The following MUC22 variants were observed in gnomAD, a reference collection of about 807,000 sequenced individuals.
The protein encoded by MUC22 is mucin 22, also known as mucin-22.
In MUC22, 24 loss-of-function variants were observed where a neutral mutation model predicts 40.3. The observed-to-expected ratio is 0.60, with a 90% CI of 0.43 to 0.84. MUC22 has a LOEUF of 0.84. Among genes scored for constraint, MUC22 ranks in the 40% least tolerant of loss-of-function variants. The pLI, the probability that MUC22 is intolerant of heterozygous loss-of-function variation, is 0.00. For synonymous variants in MUC22, 765 were observed against 844.5 expected (o/e 0.91, Z 1.63); for missense variants, 1,926 against 2,130.7 (o/e 0.90, Z 1.89).
At chr6:31,025,662 A>G in exon 2 of MUC22, 2 of 1,532,332 alleles carry the variant, frequency 1.3e-6, no homozygotes, top group Non-Finnish European at 8.7e-7. Context: ...AGACAACCTC[A>G]GCCTCCACCA....
At chr6:31,028,658 C>A (rs1479963076) in exon 2 of MUC22, 1 of 1,534,952 alleles carries the variant, frequency 6.5e-7, no homozygotes, top group African/African-American at 1.4e-5. Context: ...GAGACCACCA[C>A]AGTCTCCACT....
At chr6:31,031,429 C>CA (rs1766059270) in intron 2 of MUC22, among the ~76,000 whole-genome samples, 1 of 152,210 alleles carries the variant, frequency 6.6e-6, no homozygotes, top group African/African-American at 2.4e-5. Flanking sequence ...TCCCTCCTTA[C>CA]ACCCAGTGAT....
At chr6:31,027,016 T>C in exon 2 of MUC22, 2 of 1,492,800 alleles carry the variant, frequency 1.3e-6, no homozygotes, top group Non-Finnish European at 1.8e-6. Context: ...TACCACAGCC[T>C]CTACTACAGG....
intron 1 of MUC22, among the ~76,000 whole-genome samples, chr6:31,016,972 G>T (rs1284003442): frequency 6.6e-6 from 1 of 152,234 alleles, no homozygotes; most frequent in Non-Finnish European, 1.5e-5. Context: ...GGTGCGCCAG[G>T]TTCCCCAGCA....
exon 2 of MUC22, chr6:31,026,014 A>G (rs1765270901): frequency 6.5e-7 from 1 of 1,530,118 alleles, no homozygotes; most frequent in Non-Finnish European, 8.8e-7. Context: ...AGGCTCTGAG[A>G]CCACCACCAC....
rs774578635 is a variant in MUC22 at position 31,011,047 on chromosome 6, G to A, written c.70+271G>A. ...TGGTGGGGCGGTGGGGCGGTGCTGG[G>A]GAAATGGAGGGGGGTGAGATTTTAC... On this transcript the variant is annotated intron_variant, in intron 1 of 3. Transcript: ENST00000561890. This position sits in a 1 kb window ranked among gnomAD's most constrained non-coding sequence, Gnocchi z 4.5. Among the ~76,000 whole-genome samples, 1 of 152,032 alleles carries A rather than the reference G, an allele frequency of 6.6e-6. No homozygotes were observed. Among genetic ancestry groups the A allele is most frequent in the Non-Finnish European group, 1.5e-5 (1 of 68,010 alleles).
At chr6:31,023,134 AAAC>A (rs1765007523) in intron 1 of MUC22, among the ~76,000 whole-genome samples, 1 of 150,386 alleles carries the variant, frequency 6.6e-6, no homozygotes, top group African/African-American at 2.5e-5. Context: ...TCAAAAAACA[AAAC>A]AAAACAAAAA....
chr6:31,029,824 A>G (rs2150805530), exon 2 of MUC22: 1 of 1,533,392 alleles, frequency 6.5e-7, no homozygotes, highest in Non-Finnish European at 8.7e-7. Flanking sequence ...AGGCTCTGAG[A>G]CCAACACAGC....
chr6:31,034,630 A>G (rs532377771), intron 3 of MUC22, 42 bp from the exon 4 acceptor site: 1 of 1,480,420 alleles, frequency 6.8e-7, no homozygotes, highest in East Asian at 2.5e-5. Context: ...GGGAGAGGAG[A>G]CTTAATTTTC....
rs1763881804 is a variant in MUC22, at chr6:31,011,772, C to G, written c.70+996C>G. Reference sequence around the variant, plus strand: ...CTTTAAGAAATCTCCACACTGTTTTCCATAGTGATTGTACTAGTTTACATT... The same window carrying G: ...CTTTAAGAAATCTCCACACTGTTTTGCATAGTGATTGTACTAGTTTACATT... On this transcript the variant is annotated intron_variant, in intron 1 of 3. Coordinates refer to ENST00000561890, the Ensembl canonical transcript of MUC22. The surrounding 1 kb of genome is among the most constrained non-coding windows in gnomAD (Gnocchi z 4.5). Among the ~76,000 whole-genome samples the G allele has an allele frequency of 6.6e-6, 1 of 152,190 alleles. No individual in the cohort carries two copies. The highest frequency in any genetic ancestry group is 2.4e-5 in the African/African-American group (1 of 41,442).
Position 31,028,288 on chromosome 6 carries a change from G to T in MUC22, c.2857G>T (p.Glu953Ter), listed in dbSNP as rs774126640. 6.5e-7 allele frequency: 1 copy of T among 1,534,616 alleles called. No homozygotes were observed. Among genetic ancestry groups the T allele is most frequent in the South Asian group, 1.2e-5 (1 of 84,034 alleles). ...CACTACAGTCTCCATCACAGGCTCT[G>T]AGACCACTAAAGTTTCTACCACAGG... The change falls in exon 2 of 4, where the codon GAG becomes TAG. Residue 953 changes from glutamate (E) to a stop codon, truncating the protein, a stop_gained. Transcript: ENST00000561890. LOFTEE classifies it high-confidence loss of function.
At position 31,032,875 on chromosome 6, in the gene MUC22, G is replaced by A. The variant is rs1352966459; in HGVS notation, c.5055+294G>A. ...CAAGGAGGACATAAACATAAAGAAA[G>A]CAAGAAGCAGCTGGGCGCAGTGGCT... On this transcript the variant is annotated intron_variant, in intron 3 of 3. Transcript: ENST00000561890. The surrounding 1 kb of genome is among the most constrained non-coding windows in gnomAD (Gnocchi z 4.1). 6.6e-6 allele frequency among the ~76,000 whole-genome samples: 1 copy of A among 152,114 alleles called. No individual in the cohort carries two copies. Among genetic ancestry groups the A allele is most frequent in the Admixed American group, 6.6e-5 (1 of 15,264 alleles).
chr6:31,009,557 CA>C, upstream of MUC22, among the ~76,000 whole-genome samples: 1 of 152,144 alleles, frequency 6.6e-6, no homozygotes, highest in Non-Finnish European at 1.5e-5. Context: ...TAATTAGAAC[CA>C]TACAGTATGC....
exon 2 of MUC22, chr6:31,027,120 T>C (rs1765458367): frequency 6.7e-7 from 1 of 1,494,664 alleles, no homozygotes; most frequent in Non-Finnish European, 8.9e-7. Flanking sequence ...CCATAGGCCC[T>C]GAGACCACCA....
Position 31,029,375 on chromosome 6 carries a change from C to A in MUC22, c.3944C>A (p.Thr1315Lys), listed in dbSNP as rs201785174. ...ACCACCTCTACTGAAGGCTCTGAGA[C>A]AACCACAGTCTCTACCACGGGCTCT... Residue 1315 changes from threonine (T) to lysine (K), a missense_variant, in exon 2 of 4, where the codon ACA becomes AAA. Thr to Lys is a moderately conservative substitution (Grantham distance 78). This residue lies in a region of MUC22 where 610 missense variants were observed against 714.6 expected (regional missense o/e 0.85). Transcript: ENST00000561890. The A allele has an allele frequency of 8.6e-3, 13,173 of 1,535,282 alleles. 90 individuals carry two copies. Among genetic ancestry groups the A allele is most frequent in the Middle Eastern group, 9.3e-3 (56 of 5,990 alleles).
intron 1 of MUC22, among the ~76,000 whole-genome samples, chr6:31,021,048 G>A (rs1628680): frequency 0.11 from 16,575 of 152,252 alleles, 1,195 homozygotes; most frequent in Non-Finnish European, 0.16. Flanking sequence ...CCCGATGAGC[G>A]CCGCCCCCTG....
At chr6:31,020,772 T>G (rs1764638058) in intron 1 of MUC22, among the ~76,000 whole-genome samples, 1 of 151,690 alleles carries the variant, frequency 6.6e-6, no homozygotes, top group Non-Finnish European at 1.5e-5. Context: ...GCGGGCCAGC[T>G]GCAGTTCCAG....
At chr6:31,012,036 G>A (rs1005930536) in intron 1 of MUC22, among the ~76,000 whole-genome samples, 2 of 152,138 alleles carry the variant, frequency 1.3e-5, no homozygotes, top group African/African-American at 4.8e-5. Context: ...ATTGGGCTCC[G>A]TGTGACTCCA....
intron 1 of MUC22, among the ~76,000 whole-genome samples, chr6:31,016,115 T>C (rs947573022): frequency 5.4e-5 from 8 of 149,466 alleles, no homozygotes; most frequent in Non-Finnish European, 1.0e-4. Context: ...CAACCATTTT[T>C]AAGATGGCAT....
Sources: gnomAD v4.1 joint callset for allele counts (sites outside exome capture counted in the v4.1 genomes callset) on GRCh38, gnomAD v4.1.1 for gene constraint, gnomAD v4.1.1 regional missense constraint, Gnocchi (gnomAD v3.1) non-coding constraint, MANE v1.5 for transcripts, NCBI Gene and HGNC (gene_info 2026-07-23, HGNC 2026-07-21) for gene names.